Variants in MTUS2 observed in about 807,000 individuals in gnomAD.
MTUS2 encodes microtubule associated scaffold protein 2, also known as microtubule-associated tumor suppressor candidate 2.
A neutral mutation model predicts 114.1 loss-of-function variants in MTUS2; 40 were observed. That is an observed-to-expected ratio of 0.35 (90% CI 0.27 to 0.46). MTUS2 has a LOEUF of 0.46. Ranked by LOEUF, MTUS2 falls within the 20% of genes least tolerant of loss-of-function variation. The pLI, the probability that MTUS2 is intolerant of heterozygous loss-of-function variation, is 1.00. For synonymous variants in MTUS2, 688 were observed against 672.0 expected, an observed-to-expected ratio of 1.02 and a Z score of -0.37; for missense variants, 1,679 against 1,705.4, an observed-to-expected ratio of 0.98 and a Z score of 0.27.
At chr13:29,261,386 T>G (rs143327019) in intron 5 of MTUS2, among the ~76,000 whole-genome samples, 69 of 152,338 alleles carry the variant, frequency 4.5e-4, no homozygotes, top group African/African-American at 1.5e-3. Context: ...AGGGCTCAGG[T>G]ACAGTGATCC....
chr13:29,148,101 A>T (rs947802953), intron 5 of MTUS2, among the ~76,000 whole-genome samples: 2 of 151,288 alleles, frequency 1.3e-5, no homozygotes, highest in Non-Finnish European at 2.9e-5. Flanking sequence ...CCTCACCACC[A>T]TCTGTTGTTT....
intron 5 of MTUS2, among the ~76,000 whole-genome samples, chr13:29,212,133 T>C (rs9551624): frequency 0.085 from 12,767 of 150,136 alleles, 694 homozygotes; most frequent in African/African-American, 0.15. Context: ...TTTTGACACA[T>C]TGGGTTTTCA....
At chr13:28,953,914 G>C (rs1434252140) in intron 2 of MTUS2, among the ~76,000 whole-genome samples, 1 of 152,142 alleles carries the variant, frequency 6.6e-6, no homozygotes, top group Non-Finnish European at 1.5e-5. Context: ...TACTGAAGGG[G>C]GCGTTAAGGC....
At chr13:29,327,991 A>G (rs1051925043) in intron 7 of MTUS2, among the ~76,000 whole-genome samples, 36 of 152,186 alleles carry the variant, frequency 2.4e-4, no homozygotes, top group Non-Finnish European at 3.5e-4. Flanking sequence ...TGATGATGTT[A>G]TAATGTTGAC....
intron 7 of MTUS2, among the ~76,000 whole-genome samples, chr13:29,349,165 G>A (rs1325362566): frequency 1.3e-5 from 2 of 150,210 alleles, no homozygotes; most frequent in Non-Finnish European, 3.0e-5. Flanking sequence ...TATCTCCTTT[G>A]TTCATGTATT....
chr13:29,160,674 G>A (rs1338267632), intron 5 of MTUS2, among the ~76,000 whole-genome samples: 1 of 152,026 alleles, frequency 6.6e-6, no homozygotes. Flanking sequence ...GGAGGCTGAG[G>A]CAGGAGAATG....
At chr13:28,915,442 T>C (rs771665515) in intron 2 of MTUS2, among the ~76,000 whole-genome samples, 2 of 151,886 alleles carry the variant, frequency 1.3e-5, no homozygotes, top group Non-Finnish European at 3.0e-5. Context: ...CTTTGCTCCA[T>C]ATCCTCACTA....
At chr13:29,228,432 C>T (rs1465321297) in intron 5 of MTUS2, among the ~76,000 whole-genome samples, 1 of 152,164 alleles carries the variant, frequency 6.6e-6, no homozygotes, top group African/African-American at 2.4e-5. Context: ...GTGTGCCTCC[C>T]ATCTCAGCTT....
chr13:29,445,973 GA>G lies in MTUS2; in HGVS notation c.3184+5926del, dbSNP rs369063690. ...GCCTCTTCCTCTCCCTCTGTCCCTG[GA>G]AGTTGGTGGGTGGGACTGAAAGTTC... On this transcript the variant is annotated intron_variant, in intron 9 of 15. Coordinates refer to ENST00000612955, the MANE Select transcript of MTUS2 (RefSeq NM_001033602.4). 1.7e-3 allele frequency among the ~76,000 whole-genome samples: 260 copies of G among 151,876 alleles called. 2 individuals are homozygous for G. The highest frequency in any genetic ancestry group is 6.0e-3 in the African/African-American group (249 of 41,398).
chr13:29,201,369 A>G (rs1894950036), intron 5 of MTUS2, among the ~76,000 whole-genome samples: 2 of 151,578 alleles, frequency 1.3e-5, no homozygotes, highest in African/African-American at 4.9e-5. Context: ...CTTGGTAAAA[A>G]TTCCTCAATT....
intron 5 of MTUS2, among the ~76,000 whole-genome samples, chr13:29,258,621 A>G (rs1897359722): frequency 6.6e-6 from 1 of 152,246 alleles, no homozygotes; most frequent in Non-Finnish European, 1.5e-5. Flanking sequence ...TATTTAAAAT[A>G]AACATTTTCT....
chr13:29,416,616 A>C (rs143844771), intron 8 of MTUS2, among the ~76,000 whole-genome samples: 3 of 152,176 alleles, frequency 2.0e-5, no homozygotes, highest in Non-Finnish European at 4.4e-5. Flanking sequence ...AAAAACTCAC[A>C]GTTTCAAGAT....
chr13:29,033,818 T>G, intron 3 of MTUS2, 67 bp from the exon 4 acceptor site: 1 of 1,585,178 alleles, frequency 6.3e-7, no homozygotes, highest in Non-Finnish European at 8.6e-7. Context: ...CTCGGTCTCG[T>G]GGTCCTGTAT....
chr13:29,133,012 C>A (rs530035432), intron 5 of MTUS2, among the ~76,000 whole-genome samples: 1 of 151,934 alleles, frequency 6.6e-6, no homozygotes, highest in South Asian at 2.1e-4. Flanking sequence ...ACATTCTTGA[C>A]AACACTTGTT....
At chr13:29,355,125 A>C (rs1241800426) in intron 7 of MTUS2, among the ~76,000 whole-genome samples, 1 of 152,236 alleles carries the variant, frequency 6.6e-6, no homozygotes, top group African/African-American at 2.4e-5. Flanking sequence ...CATCCATTAC[A>C]ATCCTCTGGA....
At chr13:28,996,139 G>A (rs577794489) in intron 2 of MTUS2, among the ~76,000 whole-genome samples, 3 of 152,252 alleles carry the variant, frequency 2.0e-5, no homozygotes, top group Non-Finnish European at 2.9e-5. Context: ...GGCCTTTTCT[G>A]CATCTATTGA....
intron 2 of MTUS2, among the ~76,000 whole-genome samples, chr13:28,865,953 G>T (rs1877274022): frequency 6.6e-6 from 1 of 152,154 alleles, no homozygotes; most frequent in Non-Finnish European, 1.5e-5. Context: ...GGAGAAATCT[G>T]CCTAGAGTTT....
intron 5 of MTUS2, among the ~76,000 whole-genome samples, chr13:29,168,898 G>GTGTGTGTGTGTGTA (rs1477224832): frequency 6.6e-6 from 1 of 151,454 alleles, no homozygotes; most frequent in East Asian, 1.9e-4. Context: ...CTGTGTGTGT[G>GTGTGTGTGTGTGTA]TGTGTGTGTG....
At chr13:28,903,430 C>T (rs1242499374) in intron 2 of MTUS2, among the ~76,000 whole-genome samples, 11 of 119,310 alleles carry the variant, frequency 9.2e-5, no homozygotes, top group African/African-American at 3.6e-4. Flanking sequence ...CACCCCACAA[C>T]AGGCCCTGGT....
Sources: gnomAD v4.1 joint callset for allele counts (sites outside exome capture counted in the v4.1 genomes callset) on GRCh38, gnomAD v4.1.1 for gene constraint, MANE v1.5 for transcripts, NCBI Gene and HGNC (gene_info 2026-07-23, HGNC 2026-07-21) for gene names.